MET: variants seen among roughly 807,000 people sequenced by gnomAD.
MET encodes the protein hepatocyte growth factor receptor.
MET carries 48 observed loss-of-function variants against 133.1 expected under a neutral mutation model. That is an observed-to-expected ratio of 0.36 (90% CI 0.29 to 0.46). MET has a LOEUF of 0.46. MET is among the 20% of genes least tolerant of loss of function. The pLI is 1.00. For synonymous variants in MET, 628 were observed against 616.5 expected (o/e 1.02, Z -0.28); for missense variants, 1,442 against 1,695.9 (o/e 0.85, Z 2.63).
In MET at chr7:116,699,845, A is replaced by C; in HGVS notation, c.761A>C (p.Glu254Ala). The change falls in exon 2 of 21, where the codon GAA (glutamate) becomes GCA (alanine). Residue 254 changes from glutamate to alanine, a missense_variant. By Grantham distance (107) the Glu-to-Ala change is moderately radical (BLOSUM62 -1). Transcript: ENST00000397752. ...CCCATTAAGTATGTCCATGCCTTTGAAAGCAACAATTTTATTTACTTCTTG... is the reference window on the plus strand; with the variant it reads ...CCCATTAAGTATGTCCATGCCTTTGCAAGCAACAATTTTATTTACTTCTTG... ...SYPIKYVHAF[E>A]SNNFIYFLTV... The C allele has an allele frequency of 1.2e-6, 2 of 1,614,122 alleles. No individual in the cohort carries two copies. Among genetic ancestry groups the C allele is most frequent in the South Asian group, 2.2e-5 (2 of 91,086 alleles).
At chr7:116,676,724 G>A (rs1325163779) in intron 1 of MET, among the ~76,000 whole-genome samples, 2 of 152,152 alleles carry the variant, frequency 1.3e-5, no homozygotes, top group Non-Finnish European at 2.9e-5. Context: ...ATAAGGAAGT[G>A]AGCCAGGCGC....
At chr7:116,699,035 A>G in intron 1 of MET, 36 bp from the exon 2 acceptor site, 1 of 1,613,188 alleles carries the variant, frequency 6.2e-7, no homozygotes. Flanking sequence ...CATTTCTGAC[A>G]ACTGAACTGC....
intron 1 of MET, 37 bp from the exon 2 acceptor site, chr7:116,699,034 C>T (rs1487528185): frequency 1.2e-6 from 2 of 1,612,986 alleles, no homozygotes; most frequent in Admixed American, 3.3e-5. Flanking sequence ...TCATTTCTGA[C>T]AACTGAACTG....
At chr7:116,785,248 C>T (rs1283985912) in intron 19 of MET, among the ~76,000 whole-genome samples, 2 of 152,194 alleles carry the variant, frequency 1.3e-5, no homozygotes, top group Admixed American at 1.3e-4. Context: ...TGCAAACTGT[C>T]AGTGGATCTA....
At chr7:116,701,016 T>C (rs1791557916) in intron 2 of MET, among the ~76,000 whole-genome samples, 1 of 152,226 alleles carries the variant, frequency 6.6e-6, no homozygotes, top group African/African-American at 2.4e-5. Flanking sequence ...GTATTTGTTA[T>C]TTATAAGCAT....
intron 12 of MET, among the ~76,000 whole-genome samples, chr7:116,771,062 A>G (rs1265448922): frequency 6.6e-6 from 1 of 152,132 alleles, no homozygotes; most frequent in Non-Finnish European, 1.5e-5. Context: ...TAACAGTACA[A>G]TTATTTACCT....
chr7:116,737,233 G>A (rs1049045633), intron 3 of MET, among the ~76,000 whole-genome samples: 3 of 152,084 alleles, frequency 2.0e-5, no homozygotes, highest in Admixed American at 2.0e-4. Flanking sequence ...ATGCTAACTC[G>A]TGATCAAAAG....
intron 2 of MET, among the ~76,000 whole-genome samples, chr7:116,725,796 A>G (rs752516881): frequency 1.3e-5 from 2 of 150,656 alleles, no homozygotes; most frequent in Non-Finnish European, 3.0e-5. Flanking sequence ...ATACTAGTAT[A>G]TATTTATAGA....
chr7:116,703,184 T>C (rs1791644030), intron 2 of MET, among the ~76,000 whole-genome samples: 2 of 152,174 alleles, frequency 1.3e-5, no homozygotes, highest in South Asian at 4.1e-4. Flanking sequence ...TGCCCACTTA[T>C]AGAATACCAG....
chr7:116,783,169 G>A, intron 18 of MET, 135 bp from the exon 19 acceptor site: 1 of 976,392 alleles, frequency 1.0e-6, no homozygotes, highest in Non-Finnish European at 1.6e-6. Flanking sequence ...TTAGTCAATA[G>A]AGGCCAGATG....
At chr7:116,718,829 T>A (rs1160708482) in intron 2 of MET, among the ~76,000 whole-genome samples, 1 of 147,280 alleles carries the variant, frequency 6.8e-6, no homozygotes, top group African/African-American at 2.5e-5. Context: ...AACTCATCAT[T>A]TTTTATGGCT....
In MET at chr7:116,740,869, G is replaced by C. The variant is rs1554391227; in HGVS notation, c.1545G>C (p.Leu515Phe). 1.2e-6 allele frequency: 2 copies of C among 1,614,042 alleles called. No homozygotes were observed. The highest frequency in any genetic ancestry group is 2.2e-5 in the East Asian group (1 of 44,872). The change falls in exon 5 of 21, where the codon TTG becomes TTC. Residue 515 changes from leucine to phenylalanine, a missense_variant. Leu to Phe is a conservative substitution (Grantham distance 22, BLOSUM62 0). Around this residue, in one of 6 missense-constraint regions of MET, gnomAD observed 762 missense variants for 792.4 expected, o/e 0.96. Transcript: ENST00000397752. The part of the protein sequence containing the change: ...ITGKKITKIP[L>F]NGLGCRHFQS... ...CTTCACAGATCACGAAGATCCCATT[G>C]AATGGCTTGGGCTGCAGACATTTCC...
chr7:116,747,497 T>G (rs1482112531), intron 5 of MET, among the ~76,000 whole-genome samples: 2 of 152,032 alleles, frequency 1.3e-5, no homozygotes, highest in African/African-American at 4.8e-5. Flanking sequence ...TAAAACAGAC[T>G]TCAAACCAAC....
intron 19 of MET, among the ~76,000 whole-genome samples, chr7:116,794,474 G>C (rs1332923354): frequency 5.3e-5 from 8 of 152,144 alleles, no homozygotes; most frequent in African/African-American, 1.7e-4. Flanking sequence ...AGCCATCAAG[G>C]GTTCTTGCAC....
At chr7:116,788,030 G>A (rs934103428) in intron 19 of MET, among the ~76,000 whole-genome samples, 2 of 152,112 alleles carry the variant, frequency 1.3e-5, no homozygotes, top group African/African-American at 4.8e-5. Flanking sequence ...ACTACAGCAT[G>A]ATAAACCTCA....
intron 6 of MET, among the ~76,000 whole-genome samples, 173 bp downstream of exon 6, chr7:116,755,688 A>G (rs987027755): frequency 4.6e-5 from 7 of 152,172 alleles, no homozygotes; most frequent in Non-Finnish European, 8.8e-5. Flanking sequence ...CCATTTACTC[A>G]TTGGATTTGA....
intron 11 of MET, 176 bp downstream of exon 11, chr7:116,763,444 A>G: frequency 1.6e-6 from 1 of 643,962 alleles, no homozygotes; most frequent in Non-Finnish European, 2.7e-6. Flanking sequence ...ATAACCGTGG[A>G]CTGCATTTTA....
chr7:116,716,331 GA>G (rs1792202621), intron 2 of MET, among the ~76,000 whole-genome samples: 6 of 129,810 alleles, frequency 4.6e-5, no homozygotes, highest in South Asian at 2.5e-4. Context: ...GAGAGAGAGA[GA>G]GAGAGAAAAG....
chr7:116,747,630 T>C (rs888736626), intron 5 of MET, among the ~76,000 whole-genome samples: 1 of 152,090 alleles, frequency 6.6e-6, no homozygotes, highest in African/African-American at 2.4e-5. Flanking sequence ...GTAAAGCAAG[T>C]CCTTAGAGAC....
Sources: gnomAD v4.1 joint callset for allele counts (sites outside exome capture counted in the v4.1 genomes callset) on GRCh38, gnomAD v4.1.1 for gene constraint, gnomAD v4.1.1 regional missense constraint, MANE v1.5 for transcripts, NCBI Gene and HGNC (gene_info 2026-07-23, HGNC 2026-07-21) for gene names.